GALNT7: variants seen among roughly 807,000 people sequenced by gnomAD.
GALNT7 encodes the protein polypeptide N-acetylgalactosaminyltransferase 7, also known as N-acetylgalactosaminyltransferase 7.
GALNT7 carries 60 observed loss-of-function variants against 82.1 expected under a neutral mutation model. The ratio of observed to expected loss-of-function variants is 0.73; its 90% CI spans 0.59 to 0.91. GALNT7 has a LOEUF of 0.91. Among genes scored for constraint, GALNT7 ranks in the 40% least tolerant of loss-of-function variants. The probability of loss-of-function intolerance (pLI) is 0.00; values close to 1 mark genes in which losing one functional copy is unlikely to be tolerated. For synonymous variants in GALNT7, 243 were observed against 275.1 expected (o/e 0.88, Z 1.15); for missense variants, 660 against 804.2 (o/e 0.82, Z 2.17).
intron 2 of GALNT7, among the ~76,000 whole-genome samples, chr4:173,275,109 C>T (rs761842747): frequency 1.3e-5 from 2 of 152,184 alleles, no homozygotes; most frequent in African/African-American, 2.4e-5. Flanking sequence ...GCATAACTTT[C>T]TCATTTTTGG....
At chr4:173,232,738 C>T (rs1734071414) in intron 1 of GALNT7, among the ~76,000 whole-genome samples, 2 of 152,138 alleles carry the variant, frequency 1.3e-5, no homozygotes, top group Admixed American at 1.3e-4. Flanking sequence ...CATTCCTTTT[C>T]TTTGTGTCGG....
intron 1 of GALNT7, among the ~76,000 whole-genome samples, chr4:173,210,133 CA>C (rs33963412): frequency 0.024 from 3,364 of 141,478 alleles, 92 homozygotes; most frequent in African/African-American, 0.073. Flanking sequence ...GACTCCGTCT[CA>C]AAAAAAGAAA....
At chr4:173,198,682 C>G (rs966510445) in intron 1 of GALNT7, among the ~76,000 whole-genome samples, 1 of 152,190 alleles carries the variant, frequency 6.6e-6, no homozygotes, top group Non-Finnish European at 1.5e-5. Flanking sequence ...GTATGATAAC[C>G]TATTGGCATC....
chr4:173,218,784 G>A (rs1733550193), intron 1 of GALNT7, among the ~76,000 whole-genome samples: 1 of 152,050 alleles, frequency 6.6e-6, no homozygotes, highest in Non-Finnish European at 1.5e-5. Flanking sequence ...TTTGTCAGTT[G>A]CCCAGTGCTT....
intron 8 of GALNT7, among the ~76,000 whole-genome samples, chr4:173,306,056 A>T (rs1455196594): frequency 6.6e-6 from 1 of 152,018 alleles, no homozygotes; most frequent in Non-Finnish European, 1.5e-5. Flanking sequence ...TATTTTGTGT[A>T]TTCTTCAATT....
At chr4:173,284,961 C>T (rs778577103) in intron 2 of GALNT7, among the ~76,000 whole-genome samples, 4 of 152,046 alleles carry the variant, frequency 2.6e-5, no homozygotes, top group Non-Finnish European at 5.9e-5. Context: ...AGGTCAGCAT[C>T]GTAAGAAAAC....
intron 2 of GALNT7, among the ~76,000 whole-genome samples, chr4:173,256,692 T>G (rs556072963): frequency 6.6e-6 from 1 of 152,208 alleles, no homozygotes; most frequent in Admixed American, 6.5e-5. Context: ...ATGCCTATAA[T>G]TGCACCTAAA....
In GALNT7 at chr4:173,323,546, T is replaced by C. The variant is rs1456507770; in HGVS notation, c.*1829T>C. On this transcript the variant is annotated 3_prime_UTR_variant, in exon 12 of 12. Transcript: ENST00000265000. ...TCCATTTTCCATGTTGAGTAGATTA[T>C]AACCTTATTAACTATGCATAGGCCT... is the stretch of plus-strand genomic sequence containing the variant. 1 of 152,614 alleles carries C rather than the reference T, an allele frequency of 6.6e-6. No homozygotes were observed. The highest frequency in any genetic ancestry group is 1.5e-5 in the Non-Finnish European group (1 of 67,998). The allele number at this position is 152,614 out of a possible 1,614,324, so 9.5% of individuals were successfully genotyped here.
intron 5 of GALNT7, 179 bp from the exon 6 acceptor site, chr4:173,297,936 C>A: frequency 6.7e-7 from 1 of 1,484,534 alleles, no homozygotes; most frequent in Non-Finnish European, 8.9e-7. Context: ...CTCTAAGCCA[C>A]AAGGAAAAGG....
chr4:173,182,180 G>A (rs1411380364), intron 1 of GALNT7, among the ~76,000 whole-genome samples: 1 of 152,136 alleles, frequency 6.6e-6, no homozygotes, highest in Admixed American at 6.5e-5. Context: ...AGGTACTTAT[G>A]TTTAAAAATA....
chr4:173,229,652 G>T (rs890938574), intron 1 of GALNT7, among the ~76,000 whole-genome samples: 1 of 152,112 alleles, frequency 6.6e-6, no homozygotes, highest in African/African-American at 2.4e-5. Flanking sequence ...CTGTAAAATG[G>T]GGTAATAGTG....
chr4:173,219,361 C>T (rs1733567308), intron 1 of GALNT7, among the ~76,000 whole-genome samples: 2 of 152,042 alleles, frequency 1.3e-5, no homozygotes, highest in South Asian at 2.1e-4. Context: ...TATACATACA[C>T]ATACATACCA....
chr4:173,289,256 T>G lies in GALNT7; in HGVS notation c.588-2852T>G, dbSNP rs546533559. On this transcript the variant is annotated intron_variant, in intron 2 of 11. Transcript: ENST00000265000. The stretch of plus-strand genomic sequence containing the variant: ...AGAGGTCCGCTCTTACTCACCCTTC[T>G]GATGATCCCTTCTTCCTGCACCTAA... 3.9e-5 allele frequency among the ~76,000 whole-genome samples: 6 copies of G among 152,310 alleles called. No individual in the cohort carries two copies. In the South Asian group the frequency reaches 1.2e-3, roughly 32 times the overall value.
intron 2 of GALNT7, among the ~76,000 whole-genome samples, chr4:173,275,727 T>C (rs1378185014): frequency 1.3e-5 from 2 of 152,230 alleles, no homozygotes; most frequent in African/African-American, 4.8e-5. Flanking sequence ...AATAAATCTA[T>C]GCATCTCAAC....
chr4:173,303,157 T>C (rs1456324976), intron 7 of GALNT7, among the ~76,000 whole-genome samples: 3 of 150,780 alleles, frequency 2.0e-5, no homozygotes, highest in Non-Finnish European at 4.4e-5. Context: ...ATCGCACCAC[T>C]GCACTCCAGC....
At chr4:173,220,418 G>A (rs977867631) in intron 1 of GALNT7, among the ~76,000 whole-genome samples, 1 of 152,190 alleles carries the variant, frequency 6.6e-6, no homozygotes, top group South Asian at 2.1e-4. Context: ...TTTGAAGTTG[G>A]GAAATGTAAT....
Position 173,274,696 on chromosome 4 carries a change from G to A in GALNT7, c.588-17412G>A, listed in dbSNP as rs1021139677. Among the ~76,000 whole-genome samples, 68 of 152,164 alleles carry A rather than the reference G, an allele frequency of 4.5e-4. 1 individual carries two copies. Among genetic ancestry groups the A allele is most frequent in the South Asian group, 4.1e-4 (2 of 4,836 alleles). ...AAAGTGCTTTGAAACTAATAGCAGA[G>A]CTATTAGAACTGCATTGCCTCAGTC... On this transcript the variant is annotated intron_variant, in intron 2 of 11. Transcript: ENST00000265000.
At chr4:173,229,035 C>G (rs1391803569) in intron 1 of GALNT7, among the ~76,000 whole-genome samples, 1 of 152,190 alleles carries the variant, frequency 6.6e-6, no homozygotes, top group Non-Finnish European at 1.5e-5. Flanking sequence ...TTCATATTGT[C>G]AGTGGCAGAC....
At chr4:173,210,002 G>A (rs2126668886) in intron 1 of GALNT7, among the ~76,000 whole-genome samples, 1 of 152,174 alleles carries the variant, frequency 6.6e-6, no homozygotes, top group Admixed American at 6.5e-5. Flanking sequence ...GGGTAGAGGT[G>A]CGTGCCTATA....
Sources: allele counts gnomAD v4.1 joint callset (sites outside exome capture counted in the v4.1 genomes callset), GRCh38; gene constraint gnomAD v4.1.1; transcripts MANE v1.5; gene names NCBI Gene and HGNC (gene_info 2026-07-23, HGNC 2026-07-21).